The following RRAS2 variants were observed in gnomAD, a reference collection of about 807,000 sequenced individuals.
RRAS2 encodes the protein ras-related protein R-Ras2.
A neutral mutation model predicts 27.6 loss-of-function variants in RRAS2; 7 were observed. That is an observed-to-expected ratio of 0.25 (90% CI 0.14 to 0.48). RRAS2 has a LOEUF of 0.48. Among genes scored for constraint, RRAS2 ranks in the 20% least tolerant of loss-of-function variants. The pLI is 0.99. For synonymous variants in RRAS2, 86 were observed against 90.9 expected (o/e 0.95, Z 0.31); for missense variants, 178 against 256.2 (o/e 0.69, Z 2.08).
chr11:14,318,946 CA>C (rs1424758054), intron 1 of RRAS2, among the ~76,000 whole-genome samples: 2 of 152,134 alleles, frequency 1.3e-5, no homozygotes, highest in Non-Finnish European at 2.9e-5. Flanking sequence ...AGTGCTTTAC[CA>C]TATTAATTCA....
chr11:14,358,460 A>C lies in RRAS2; in HGVS notation c.108+303T>G. On this transcript the variant is annotated intron_variant, in intron 1 of 5. Coordinates refer to ENST00000256196, the MANE Select transcript of RRAS2 (RefSeq NM_012250.6). This position sits in a 1 kb window ranked among gnomAD's most constrained non-coding sequence, Gnocchi z 5.1. ...GGCTCGGTGGCCCAGCCTCTCCCGG[A>C]GGTCTCTGGCCTCGGCCAGAGCAAT... 2.0e-6 allele frequency: 2 copies of C among 985,342 alleles called. No homozygotes were observed. Among genetic ancestry groups the C allele is most frequent in the Non-Finnish European group, 2.4e-6 (2 of 830,028 alleles). The allele number at this position is 985,342 out of a possible 1,614,324, so 61.0% of individuals were successfully genotyped here.
intron 1 of RRAS2, among the ~76,000 whole-genome samples, chr11:14,302,746 G>A (rs1377694671): frequency 3.3e-5 from 5 of 152,128 alleles, no homozygotes; most frequent in South Asian, 2.1e-4. Context: ...GGACAGAAGC[G>A]CTGGCTGAAG....
At chr11:14,322,871 AAAATAAAAAGTT>A (rs1452687066) in intron 1 of RRAS2, among the ~76,000 whole-genome samples, 2 of 152,246 alleles carry the variant, frequency 1.3e-5, no homozygotes, top group African/African-American at 4.8e-5. Context: ...GTGAATTTAA[AAAATAAAAAGTT>A]AAAGAATGAC....
In RRAS2 at chr11:14,321,009, G is replaced by A. The variant is rs782558427; in HGVS notation, c.109-25154C>T. Among the ~76,000 whole-genome samples the A allele has an allele frequency of 2.8e-4, 42 of 151,928 alleles. 1 individual carries two copies. Among genetic ancestry groups the A allele is most frequent in the Non-Finnish European group, 4.6e-4 (31 of 67,982 alleles). ...CAGCCTGGCCAACATGGTAAACCCC[G>A]TCTCTACTAAAAATACAACAATTAG... On this transcript the variant is annotated intron_variant, in intron 1 of 5. Transcript: ENST00000256196.
intron 1 of RRAS2, among the ~76,000 whole-genome samples, chr11:14,328,216 A>T (rs1554951335): frequency 6.6e-6 from 1 of 151,942 alleles, no homozygotes; most frequent in Non-Finnish European, 1.5e-5. Context: ...AAAATACAAA[A>T]TTAGCCAGGT....
intron 1 of RRAS2, among the ~76,000 whole-genome samples, chr11:14,341,448 A>G (rs1223039468): frequency 2.6e-5 from 4 of 152,214 alleles, no homozygotes; most frequent in Non-Finnish European, 4.4e-5. Flanking sequence ...CTTTGGAGAA[A>G]TCTTCAGAAA....
At chr11:14,308,440 TATAA>T (rs2133980118) in intron 1 of RRAS2, 1 of 232,370 alleles carries the variant, frequency 4.3e-6, no homozygotes, top group East Asian at 1.4e-4. Context: ...GGCTCTCACC[TATAA>T]ATGAGGGGTT....
intron 1 of RRAS2, among the ~76,000 whole-genome samples, chr11:14,318,323 G>GC (rs148354253): frequency 0.017 from 2,633 of 152,132 alleles, 35 homozygotes; most frequent in Non-Finnish European, 0.027. Context: ...ACATGGAAAA[G>GC]CCCCATCTCT....
intron 4 of RRAS2, among the ~76,000 whole-genome samples, chr11:14,283,867 T>G (rs1304633910): frequency 6.6e-6 from 1 of 152,010 alleles, no homozygotes; most frequent in Non-Finnish European, 1.5e-5. Context: ...TATTTTTTAT[T>G]TTTTTTGGTA....
At chr11:14,336,614 T>C (rs1355040340) in intron 1 of RRAS2, among the ~76,000 whole-genome samples, 1 of 152,130 alleles carries the variant, frequency 6.6e-6, no homozygotes, top group Non-Finnish European at 1.5e-5. Context: ...TGGATGGTCT[T>C]AACAGTAAAA....
chr11:14,318,742 T>A (rs568686542), intron 1 of RRAS2, among the ~76,000 whole-genome samples: 2 of 152,314 alleles, frequency 1.3e-5, no homozygotes, highest in African/African-American at 4.8e-5. Context: ...TTAGGAAAGA[T>A]AACCCAAACA....
At chr11:14,318,679 G>A (rs1848163665) in intron 1 of RRAS2, among the ~76,000 whole-genome samples, 1 of 152,206 alleles carries the variant, frequency 6.6e-6, no homozygotes, top group South Asian at 2.1e-4. Context: ...CAGCTCAGCA[G>A]GGCAGTGGAA....
chr11:14,358,743 G>T lies in RRAS2; in HGVS notation c.108+20C>A, dbSNP rs782413007. ...CGCCCGCCGCCGCTCCGGCGCCCCG[G>T]GCAGGCCCGCTCCAGGTACCTGGAT... On this transcript the variant is annotated intron_variant, in intron 1 of 5. Coordinates refer to ENST00000256196, the MANE Select transcript of RRAS2 (RefSeq NM_012250.6). The surrounding 1 kb of genome is among the most constrained non-coding windows in gnomAD (Gnocchi z 5.1). 4 of 1,362,072 alleles carry T rather than the reference G, an allele frequency of 2.9e-6. No individual in the cohort carries two copies. The African/African-American group carries it at 6.0e-5, about 20-fold the overall frequency. 84.4% of individuals were successfully genotyped at this position (1,362,072 alleles called of 1,614,324 possible).
In RRAS2 at chr11:14,289,890, A is replaced by G. The variant is rs565682506; in HGVS notation, c.408+4581T>C. 6.6e-5 allele frequency among the ~76,000 whole-genome samples: 10 copies of G among 152,322 alleles called. No homozygotes were observed. In the South Asian group the frequency reaches 1.4e-3, roughly 22 times the overall value. Reference sequence around the variant, plus strand: ...AGAACAAGGAGAAATGGCATTTATTATCTACAAGAAAATAGGCTAGAAGGT... The same window carrying G: ...AGAACAAGGAGAAATGGCATTTATTGTCTACAAGAAAATAGGCTAGAAGGT... On this transcript the variant is annotated intron_variant, in intron 4 of 5. Coordinates refer to ENST00000256196, the MANE Select transcript of RRAS2 (RefSeq NM_012250.6).
chr11:14,324,672 C>A (rs961148998), intron 1 of RRAS2, among the ~76,000 whole-genome samples: 19 of 152,138 alleles, frequency 1.2e-4, no homozygotes, highest in Admixed American at 1.2e-3. Context: ...TTTCCCAGCA[C>A]CTAAAAAGTT....
At chr11:14,316,621 T>C (rs1487903074) in intron 1 of RRAS2, among the ~76,000 whole-genome samples, 1 of 152,150 alleles carries the variant, frequency 6.6e-6, no homozygotes, top group Non-Finnish European at 1.5e-5. Context: ...TACACCTCTG[T>C]AGTCCTAGCT....
chr11:14,307,790 G>A (rs150057217), intron 1 of RRAS2, among the ~76,000 whole-genome samples: 2 of 151,922 alleles, frequency 1.3e-5, no homozygotes, highest in East Asian at 1.9e-4. Flanking sequence ...AAGTAAAGTC[G>A]TTTCATTAAA....
chr11:14,281,426 A>G (rs1175203146), intron 5 of RRAS2, among the ~76,000 whole-genome samples, 176 bp downstream of exon 5: 1 of 152,176 alleles, frequency 6.6e-6, no homozygotes, highest in Non-Finnish European at 1.5e-5. Flanking sequence ...TGTACTTTAT[A>G]CTTCATAATT....
At chr11:14,318,848 T>A (rs781812315) in intron 1 of RRAS2, among the ~76,000 whole-genome samples, 1 of 152,322 alleles carries the variant, frequency 6.6e-6, no homozygotes, top group Non-Finnish European at 1.5e-5. Context: ...AACTTCAAAT[T>A]CCTTCAGGGA....
Sources: allele counts gnomAD v4.1 joint callset (sites outside exome capture counted in the v4.1 genomes callset), GRCh38; gene constraint gnomAD v4.1.1; non-coding constraint Gnocchi (gnomAD v3.1); transcripts MANE v1.5; gene names NCBI Gene and HGNC (gene_info 2026-07-23, HGNC 2026-07-21).